Variants in SLC35F1 observed in about 807,000 individuals in gnomAD.
SLC35F1 encodes chromosome 6 open reading frame 169.
SLC35F1 carries 14 observed loss-of-function variants against 48.7 expected under a neutral mutation model. The observed-to-expected ratio is 0.29, with a 90% CI of 0.19 to 0.45. The LOEUF (loss-of-function observed/expected upper bound fraction) is 0.45, where lower values mean the gene tolerates loss of function less well. Ranked by LOEUF, SLC35F1 falls within the 20% of genes least tolerant of loss-of-function variation. The pLI is 1.00. For missense variants in SLC35F1, 404 were observed against 500.0 expected (o/e 0.81, Z 1.83); for synonymous variants, 190 against 202.2 (o/e 0.94, Z 0.51).
intron 4 of SLC35F1, among the ~76,000 whole-genome samples, chr6:118,272,110 C>G (rs1275620940): frequency 6.6e-6 from 1 of 152,152 alleles, no homozygotes; most frequent in East Asian, 1.9e-4. Context: ...ATTCATGTAG[C>G]CTTTTATTGA....
chr6:118,186,248 G>A (rs912405773), intron 2 of SLC35F1, among the ~76,000 whole-genome samples: 1 of 152,086 alleles, frequency 6.6e-6, no homozygotes, highest in Non-Finnish European at 1.5e-5. Flanking sequence ...TGAACTCTAG[G>A]AGAGGAGTAA....
intron 1 of SLC35F1, among the ~76,000 whole-genome samples, chr6:118,030,014 A>G (rs111962968): frequency 1.4e-4 from 22 of 152,320 alleles, no homozygotes; most frequent in African/African-American, 4.1e-4. Flanking sequence ...AGTATTGTGG[A>G]TAAAAGTAAA....
At chr6:118,070,902 C>CATAGTAAA (rs1772694937) in intron 1 of SLC35F1, among the ~76,000 whole-genome samples, 3 of 129,762 alleles carry the variant, frequency 2.3e-5, no homozygotes, top group Non-Finnish European at 4.7e-5. Context: ...AATATATATA[C>CATAGTAAA]TATATATATA....
intron 1 of SLC35F1, among the ~76,000 whole-genome samples, chr6:117,940,355 T>C (rs1295344939): frequency 6.6e-6 from 1 of 152,226 alleles, no homozygotes; most frequent in Non-Finnish European, 1.5e-5. Context: ...ACATTTAATC[T>C]ATACTAGGAC....
intron 1 of SLC35F1, among the ~76,000 whole-genome samples, chr6:118,075,707 G>A (rs2114309144): frequency 6.6e-6 from 1 of 152,248 alleles, no homozygotes; most frequent in African/African-American, 2.4e-5. Flanking sequence ...GTTGATTGTG[G>A]TGCTTAATGG....
chr6:118,209,528 C>A (rs1460205638), intron 2 of SLC35F1, among the ~76,000 whole-genome samples: 1 of 152,100 alleles, frequency 6.6e-6, no homozygotes, highest in Non-Finnish European at 1.5e-5. Context: ...ATAACTGCTA[C>A]AGAGTCTAAC....
chr6:118,098,830 A>G (rs995140799), intron 1 of SLC35F1, among the ~76,000 whole-genome samples: 10 of 152,150 alleles, frequency 6.6e-5, no homozygotes, highest in African/African-American at 2.4e-4. Context: ...TTATTTTTAT[A>G]TATATTTTAT....
intron 2 of SLC35F1, among the ~76,000 whole-genome samples, chr6:118,232,941 G>C (rs1386446553): frequency 1.3e-5 from 2 of 151,596 alleles, no homozygotes; most frequent in African/African-American, 4.8e-5. Context: ...CTCTAGAAGG[G>C]GGGCTGGTCC....
chr6:117,920,176 A>C (rs897702033), intron 1 of SLC35F1, among the ~76,000 whole-genome samples: 4 of 152,186 alleles, frequency 2.6e-5, no homozygotes, highest in African/African-American at 9.6e-5. Context: ...TGTCCTCCAC[A>C]GATAGCCCCG....
chr6:118,020,573 A>T (rs1024439911), intron 1 of SLC35F1, among the ~76,000 whole-genome samples: 6 of 152,218 alleles, frequency 3.9e-5, no homozygotes, highest in Admixed American at 1.3e-4. Flanking sequence ...CTTGACCAGG[A>T]TGGAAAGGGC....
chr6:118,154,857 T>C (rs1218186384), intron 2 of SLC35F1, among the ~76,000 whole-genome samples: 1 of 152,190 alleles, frequency 6.6e-6, no homozygotes, highest in Admixed American at 6.5e-5. Context: ...AACTGTACAA[T>C]TGCTCACTTT....
chr6:117,919,160 T>A (rs1480554682), intron 1 of SLC35F1, among the ~76,000 whole-genome samples: 1 of 152,140 alleles, frequency 6.6e-6, no homozygotes, highest in Non-Finnish European at 1.5e-5. Flanking sequence ...ACTCCCAGTG[T>A]GTTGGAATTA....
At chr6:118,082,355 A>G (rs768635970) in intron 1 of SLC35F1, among the ~76,000 whole-genome samples, 1 of 152,212 alleles carries the variant, frequency 6.6e-6, no homozygotes, top group Admixed American at 6.5e-5. Context: ...AGATACTGAT[A>G]ACTAGTGACA....
intron 1 of SLC35F1, among the ~76,000 whole-genome samples, chr6:117,979,385 G>A (rs1022437329): frequency 6.6e-6 from 1 of 152,180 alleles, no homozygotes; most frequent in Non-Finnish European, 1.5e-5. Context: ...ATACTGTTAA[G>A]ATTTAACTGT....
At chr6:118,011,901 A>G (rs1468191566) in intron 1 of SLC35F1, among the ~76,000 whole-genome samples, 1 of 152,234 alleles carries the variant, frequency 6.6e-6, no homozygotes, top group Admixed American at 6.5e-5. Flanking sequence ...GACAAGAGAC[A>G]GATATCTTTA....
intron 2 of SLC35F1, among the ~76,000 whole-genome samples, chr6:118,176,760 G>A (rs1397449264): frequency 6.6e-6 from 1 of 151,998 alleles, no homozygotes. Flanking sequence ...TTGAGCTTGG[G>A]AATAAGCACA....
intron 2 of SLC35F1, among the ~76,000 whole-genome samples, chr6:118,193,770 G>A (rs901036837): frequency 1.3e-5 from 2 of 151,996 alleles, no homozygotes; most frequent in Non-Finnish European, 2.9e-5. Flanking sequence ...CATAGCTAGG[G>A]GTGTGGCTAA....
chr6:118,038,241 T>G (rs1257590361), intron 1 of SLC35F1, among the ~76,000 whole-genome samples: 1 of 152,138 alleles, frequency 6.6e-6, no homozygotes, highest in Non-Finnish European at 1.5e-5. Flanking sequence ...GAAAAACCCA[T>G]AGTCTTTTAT....
At chr6:118,032,571 A>C (rs560493356) in intron 1 of SLC35F1, among the ~76,000 whole-genome samples, 1 of 152,282 alleles carries the variant, frequency 6.6e-6, no homozygotes, top group South Asian at 2.1e-4. Flanking sequence ...AATAATAGTA[A>C]TGTAGCCTTA....
Sources: gnomAD v4.1 joint callset for allele counts (sites outside exome capture counted in the v4.1 genomes callset) on GRCh38, gnomAD v4.1.1 for gene constraint, MANE v1.5 for transcripts, NCBI Gene and HGNC (gene_info 2026-07-23, HGNC 2026-07-21) for gene names.